Variants in MAU2 observed in about 807,000 individuals in gnomAD.
MAU2 encodes the protein MAU2 sister chromatid cohesion factor.
In MAU2, 9 loss-of-function variants were observed where a neutral mutation model predicts 89.1. That is an observed-to-expected ratio of 0.10 (90% confidence interval 0.06 to 0.18). MAU2 has a LOEUF of 0.18. Ranked by LOEUF, MAU2 falls within the 10% of genes least tolerant of loss-of-function variation. The pLI is 1.00. For missense variants in MAU2, 425 were observed against 803.5 expected, an observed-to-expected ratio of 0.53 and a Z score of 5.69; for synonymous variants, 357 against 343.4, an observed-to-expected ratio of 1.04 and a Z score of -0.44.
intron 1 of MAU2, among the ~76,000 whole-genome samples, chr19:19,325,067 G>A (rs4239639): frequency 0.84 from 128,397 of 152,236 alleles, 54,292 homozygotes; most frequent in East Asian, 1. Context: ...AGATTCCAGT[G>A]TCTTCTTGGA....
intron 1 of MAU2, among the ~76,000 whole-genome samples, chr19:19,323,321 A>C (rs933383096): frequency 6.6e-6 from 1 of 151,586 alleles, no homozygotes; most frequent in Non-Finnish European, 1.5e-5. Context: ...CAGCCTCCCG[A>C]GTAGCTGGGA....
In MAU2 at chr19:19,356,970, C is replaced by T. The variant is rs1199186298; in HGVS notation, c.*1188C>T. The T allele has an allele frequency of 6.6e-6, 1 of 152,276 alleles. No homozygotes were observed. The highest frequency in any genetic ancestry group is 2.4e-5 in the African/African-American group (1 of 41,436). The allele number at this position is 152,276 out of a possible 1,614,324, so 9.4% of individuals were successfully genotyped here. A position where few individuals can be genotyped will look rare whatever the true frequency, so the allele number is the denominator to read the frequency against. On this transcript the variant is annotated 3_prime_UTR_variant, in exon 19 of 19. Transcript: ENST00000262815. ...CTCAAGACACCACCCCCTCCAGCTTCTGGGGCCCAGGAGCCTCTCCCTGCT... is the reference window on the plus strand; with the variant it reads ...CTCAAGACACCACCCCCTCCAGCTTTTGGGGCCCAGGAGCCTCTCCCTGCT...
intron 1 of MAU2, chr19:19,321,384 C>G (rs1055617413): frequency 1.3e-5 from 6 of 460,126 alleles, no homozygotes; most frequent in Non-Finnish European, 1.9e-5. Flanking sequence ...GCCCCGTCAC[C>G]GTACTCTGAA....
At chr19:19,321,279 C>T in intron 1 of MAU2, 144 bp downstream of exon 1, 2 of 1,007,758 alleles carry the variant, frequency 2.0e-6, no homozygotes, top group Non-Finnish European at 2.7e-6. Context: ...CCCCCACCCG[C>T]CTCTGCCGGA....
At chr19:19,334,629 A>G in intron 1 of MAU2, 1 of 983,672 alleles carries the variant, frequency 1.0e-6, no homozygotes, top group Non-Finnish European at 1.2e-6. Context: ...CCCCTGACTG[A>G]GTCAGCTTCC....
intron 1 of MAU2, among the ~76,000 whole-genome samples, chr19:19,323,209 T>A (rs1427028563): frequency 6.6e-6 from 1 of 150,552 alleles, no homozygotes; most frequent in Admixed American, 6.7e-5. Context: ...TTTTCTTTTT[T>A]TTTTGAGACA....
chr19:19,347,326 C>G lies in MAU2; in HGVS notation c.1268C>G (p.Ala423Gly). The G allele has an allele frequency of 6.2e-7, 1 of 1,613,802 alleles. No homozygotes were observed. The highest frequency in any genetic ancestry group is 8.5e-7 in the Non-Finnish European group (1 of 1,179,926). The change falls in exon 13 of 19, where the codon GCG becomes GGG. Residue 423 changes from alanine to glycine, a missense_variant. Physicochemically the swap from Ala to Gly is moderately conservative, Grantham distance 60. This residue lies in a region of MAU2 where 66 missense variants were observed against 129.1 expected (regional missense o/e 0.51). Coordinates refer to ENST00000262815, the MANE Select transcript of MAU2 (RefSeq NM_015329.4). ...ELWAFIVTNL[A>G]SVYIREGNRH... ...TGGGCCTTCATCGTCACCAACCTGG[C>G]GAGTGTGTATATACGGGAAGGAAAT...
Position 19,349,305 on chromosome 19 carries a change from G to A in MAU2, c.1437-20G>A, listed in dbSNP as rs762722732. On this transcript the variant is annotated intron_variant, in intron 15 of 18. Transcript: ENST00000262815. ...CAGGCCCCGTCCTGCAGTTATCAGC[G>A]TCCATGTTCTCCTTGTCAGGCGATT... The A allele has an allele frequency of 1.2e-5, 20 of 1,613,792 alleles. No homozygotes were observed. Among genetic ancestry groups the A allele is most frequent in the Middle Eastern group, 1.6e-4 (1 of 6,084 alleles).
intron 1 of MAU2, among the ~76,000 whole-genome samples, chr19:19,323,367 G>A (rs759243805): frequency 1.3e-5 from 2 of 151,714 alleles, no homozygotes; most frequent in Non-Finnish European, 2.9e-5. Flanking sequence ...GCTAATTTTT[G>A]TATTTTTAGT....
intron 8 of MAU2, 26 bp downstream of exon 8, chr19:19,342,707 AGGGCTGG>A: frequency 6.2e-7 from 1 of 1,600,394 alleles, no homozygotes; most frequent in Non-Finnish European, 8.5e-7. Context: ...GGCCCGGGCC[AGGGCTGG>A]GGGCGGGGGC....
chr19:19,336,213 A>G lies in MAU2; in HGVS notation c.360+26A>G, dbSNP rs1265722043. 3.9e-6 allele frequency: 6 copies of G among 1,546,020 alleles called. No individual in the cohort carries two copies. The African/African-American group carries it at 8.1e-5, about 21-fold the overall frequency. ...GTAAGAACATATTAAGGTTTCTGAA[A>G]GCAAAGTGTCTCTCCGTGTCGCTAA... On this transcript the variant is annotated intron_variant, in intron 3 of 18. Coordinates refer to ENST00000262815, the MANE Select transcript of MAU2 (RefSeq NM_015329.4).
At chr19:19,340,626 G>A (rs1042931799) in intron 5 of MAU2, among the ~76,000 whole-genome samples, 1 of 152,152 alleles carries the variant, frequency 6.6e-6, no homozygotes, top group South Asian at 2.1e-4. Context: ...GCGACAGAGC[G>A]AGACTCCGTC....
intron 12 of MAU2, among the ~76,000 whole-genome samples, chr19:19,346,405 A>C (rs2061693088): frequency 6.6e-6 from 1 of 151,870 alleles, no homozygotes; most frequent in Admixed American, 6.6e-5. Flanking sequence ...AGGAGTCCTC[A>C]CCCCGAGGCC....
chr19:19,345,011 T>C lies in MAU2; in HGVS notation c.1155+85T>C. 5.6e-6 allele frequency: 7 copies of C among 1,259,910 alleles called. No individual in the cohort carries two copies. Among genetic ancestry groups the C allele is most frequent in the Non-Finnish European group, 8.0e-6 (7 of 876,124 alleles). 78.0% of individuals were successfully genotyped at this position (1,259,910 alleles called of 1,614,324 possible). On this transcript the variant is annotated intron_variant, in intron 11 of 18. Transcript: ENST00000262815. This position sits in a 1 kb window ranked among gnomAD's most constrained non-coding sequence, Gnocchi z 4.9. ...CTAACCAGATCCAGAACATTCCCAG[T>C]GAAGGACCCCCTGACAGCACCCTAA... is the stretch of plus-strand genomic sequence containing the variant.
At chr19:19,349,056 A>C (rs1435922713) in intron 14 of MAU2, 99 bp from the exon 15 acceptor site, 4 of 1,556,332 alleles carry the variant, frequency 2.6e-6, no homozygotes, top group Non-Finnish European at 3.5e-6. Flanking sequence ...GACAGTCTGC[A>C]GTGGGGGCTC....
intron 9 of MAU2, 66 bp from the exon 10 acceptor site, chr19:19,343,771 C>G (rs957044696): frequency 1.1e-4 from 132 of 1,227,460 alleles, no homozygotes; most frequent in Non-Finnish European, 1.5e-4. Context: ...GGTGGGGGCA[C>G]GGTGGGCTGG....
At chr19:19,340,700 C>A in intron 5 of MAU2, 146 bp from the exon 6 acceptor site, 1 of 527,098 alleles carries the variant, frequency 1.9e-6, no homozygotes, top group Non-Finnish European at 3.3e-6. Context: ...TAAAACAGAG[C>A]AGTCTTGTAA....
chr19:19,336,094 C>G (rs778594100), intron 2 of MAU2, 28 bp from the exon 3 acceptor site: 11 of 1,579,090 alleles, frequency 7.0e-6, no homozygotes, highest in Non-Finnish European at 9.6e-6. Flanking sequence ...TTCGCAGTGT[C>G]TGTACTTCCT....
At chr19:19,349,057 G>A in intron 14 of MAU2, 98 bp from the exon 15 acceptor site, 3 of 1,560,390 alleles carry the variant, frequency 1.9e-6, no homozygotes, top group South Asian at 1.1e-5. Context: ...ACAGTCTGCA[G>A]TGGGGGCTCT....
Sources: gnomAD v4.1 joint callset for allele counts (sites outside exome capture counted in the v4.1 genomes callset) on GRCh38, gnomAD v4.1.1 for gene constraint, gnomAD v4.1.1 regional missense constraint, Gnocchi (gnomAD v3.1) non-coding constraint, MANE v1.5 for transcripts, NCBI Gene and HGNC (gene_info 2026-07-23, HGNC 2026-07-21) for gene names.